NLGN1: variants seen among roughly 807,000 people sequenced by gnomAD.
NLGN1 encodes the protein neuroligin 1, also known as neuroligin-1.
NLGN1 carries 12 observed loss-of-function variants against 65.5 expected under a neutral mutation model. The ratio of observed to expected loss-of-function variants is 0.18; its 90% CI spans 0.12 to 0.30. The LOEUF (loss-of-function observed/expected upper bound fraction) is 0.30, where lower values mean the gene tolerates loss of function less well. NLGN1 is among the 10% of genes least tolerant of loss of function. The probability of loss-of-function intolerance (pLI) is 1.00; values close to 1 mark genes in which losing one functional copy is unlikely to be tolerated. For missense variants in NLGN1, 750 were observed against 1,007.1 expected (o/e 0.74, Z 3.46); for synonymous variants, 350 against 359.5 (o/e 0.97, Z 0.30).
intron 4 of NLGN1, among the ~76,000 whole-genome samples, chr3:174,250,013 A>G (rs1184269933): frequency 6.6e-6 from 1 of 152,244 alleles, no homozygotes; most frequent in Admixed American, 6.5e-5. Flanking sequence ...TGAGAAGAGT[A>G]GGAAATCTTT....
At chr3:173,607,681 A>G (rs1751599247) in intron 3 of NLGN1, among the ~76,000 whole-genome samples, 1 of 151,730 alleles carries the variant, frequency 6.6e-6, no homozygotes, top group Non-Finnish European at 1.5e-5. Context: ...AGAAATTATT[A>G]GTCCCTTTAT....
chr3:173,880,321 G>T (rs57221754), intron 4 of NLGN1, among the ~76,000 whole-genome samples: 2,563 of 151,812 alleles, frequency 0.017, 72 homozygotes, highest in African/African-American at 0.058. Context: ...AAATGATGAA[G>T]GTAGATGTTT....
At chr3:174,120,785 G>A (rs981121836) in intron 4 of NLGN1, among the ~76,000 whole-genome samples, 4 of 152,004 alleles carry the variant, frequency 2.6e-5, no homozygotes, top group Non-Finnish European at 2.9e-5. Flanking sequence ...CTCCCAAAAG[G>A]TAAAGTTTAA....
chr3:174,146,793 C>T (rs1484082631), intron 4 of NLGN1, among the ~76,000 whole-genome samples: 1 of 151,954 alleles, frequency 6.6e-6, no homozygotes, highest in African/African-American at 2.4e-5. Flanking sequence ...GTCTCAAACT[C>T]CTGACCTCAG....
Position 174,275,304 on chromosome 3 carries a change from A to ATAT in NLGN1, c.647-9_647-7dup. The ATAT allele has an allele frequency of 6.2e-7, 1 of 1,603,182 alleles. No individual in the cohort carries two copies. The highest frequency in any genetic ancestry group is 8.5e-7 in the Non-Finnish European group (1 of 1,171,548). On this transcript the variant is annotated splice_polypyrimidine_tract_variant and intron_variant, in intron 4 of 6. Coordinates refer to ENST00000457714, the Ensembl canonical transcript of NLGN1. ...AGCTCAAAACGTGTTTTCTAAATTTATATTTTTCAGGTTTCTTGAGTACAG... is the reference window on the plus strand; with the variant it reads ...AGCTCAAAACGTGTTTTCTAAATTTATATTATTTTTCAGGTTTCTTGAGTACAG...
intron 4 of NLGN1, among the ~76,000 whole-genome samples, chr3:173,914,397 ATGAAGCATG>A (rs1740293877): frequency 6.6e-6 from 1 of 152,156 alleles, no homozygotes; most frequent in Non-Finnish European, 1.5e-5. Flanking sequence ...CCTGGAGAAA[ATGAAGCATG>A]TGAAGCATGG....
At chr3:173,529,262 G>A (rs2149173221) in intron 2 of NLGN1, among the ~76,000 whole-genome samples, 1 of 152,282 alleles carries the variant, frequency 6.6e-6, no homozygotes, top group Admixed American at 6.5e-5. Flanking sequence ...CCGGCCAGTA[G>A]GTGGCACTTC....
chr3:173,764,155 A>G (rs979153311), intron 3 of NLGN1, among the ~76,000 whole-genome samples: 5 of 152,164 alleles, frequency 3.3e-5, no homozygotes, highest in African/African-American at 1.2e-4. Context: ...TTCATGATGG[A>G]GAGAAGTTCA....
intron 4 of NLGN1, among the ~76,000 whole-genome samples, chr3:174,138,825 C>CT (rs1577060519): frequency 1.3e-5 from 2 of 151,900 alleles, no homozygotes; most frequent in African/African-American, 4.8e-5. Context: ...ACTTATCAAT[C>CT]TTTATTTCCT....
intron 3 of NLGN1, among the ~76,000 whole-genome samples, chr3:173,769,551 G>T (rs1779281234): frequency 6.6e-6 from 1 of 152,164 alleles, no homozygotes; most frequent in Non-Finnish European, 1.5e-5. Flanking sequence ...TACATGCTAT[G>T]CATGAAACTG....
rs577833397 is a variant in NLGN1, at chr3:173,502,240, G to A, written c.-321+67162G>A. On this transcript the variant is annotated intron_variant, in intron 2 of 6. Transcript: ENST00000457714. ...GATTATTAATTTTTTGGCCATAAAC[G>A]TTAAATTCTAGTTCTTGGCAATTTT... is the stretch of plus-strand genomic sequence containing the variant. 5.3e-5 allele frequency among the ~76,000 whole-genome samples: 8 copies of A among 152,116 alleles called. No individual in the cohort carries two copies. The South Asian group carries it at 6.2e-4, about 12-fold the overall frequency.
At chr3:174,020,015 T>C (rs1166942662) in intron 4 of NLGN1, among the ~76,000 whole-genome samples, 1 of 152,128 alleles carries the variant, frequency 6.6e-6, no homozygotes, top group East Asian at 1.9e-4. Context: ...ATTAACTTTG[T>C]GCTCTAATAC....
chr3:173,774,384 A>G (rs983619357), intron 3 of NLGN1, among the ~76,000 whole-genome samples: 8 of 152,154 alleles, frequency 5.3e-5, no homozygotes, highest in Non-Finnish European at 1.2e-4. Context: ...ACTCACTAAT[A>G]TTTCTCTGAG....
At chr3:174,264,983 T>G (rs371741161) in intron 4 of NLGN1, among the ~76,000 whole-genome samples, 53 of 152,216 alleles carry the variant, frequency 3.5e-4, no homozygotes, top group Non-Finnish European at 6.3e-4. Flanking sequence ...GTGCCTCCCA[T>G]TTAGGCTGCT....
chr3:173,716,921 C>A (rs1462016241), intron 3 of NLGN1, among the ~76,000 whole-genome samples: 1 of 152,074 alleles, frequency 6.6e-6, no homozygotes, highest in African/African-American at 2.4e-5. Context: ...TGCCTCATAC[C>A]GTTTATCCTG....
At chr3:174,194,586 A>T (rs1268761288) in intron 4 of NLGN1, among the ~76,000 whole-genome samples, 1 of 152,052 alleles carries the variant, frequency 6.6e-6, no homozygotes, top group Admixed American at 6.5e-5. Flanking sequence ...TACAAAAATC[A>T]TCAGGCTATT....
At chr3:173,400,201 T>G (rs1717403877) in intron 1 of NLGN1, among the ~76,000 whole-genome samples, 1 of 152,198 alleles carries the variant, frequency 6.6e-6, no homozygotes, top group Admixed American at 6.5e-5. Flanking sequence ...TTCAGTTATG[T>G]TTTAATTATC....
chr3:173,479,108 G>T (rs1726802613), intron 2 of NLGN1, among the ~76,000 whole-genome samples: 1 of 152,062 alleles, frequency 6.6e-6, no homozygotes, highest in Admixed American at 6.6e-5. Flanking sequence ...GTGTTTGTTT[G>T]TTAAATAAAC....
intron 4 of NLGN1, among the ~76,000 whole-genome samples, chr3:173,885,918 C>G (rs1291506098): frequency 1.3e-5 from 2 of 152,084 alleles, no homozygotes; most frequent in Non-Finnish European, 2.9e-5. Flanking sequence ...ATGAAAAACA[C>G]AACTATGTAA....
Sources: gnomAD v4.1 joint callset for allele counts (sites outside exome capture counted in the v4.1 genomes callset) on GRCh38, gnomAD v4.1.1 for gene constraint, MANE v1.5 for transcripts, NCBI Gene and HGNC (gene_info 2026-07-23, HGNC 2026-07-21) for gene names.